Variants in C8A observed in about 807,000 individuals in gnomAD.
C8A encodes the protein complement C8 alpha chain, also known as complement component C8 alpha chain.
In C8A, 67 loss-of-function variants were observed where a neutral mutation model predicts 65.3. The ratio of observed to expected loss-of-function variants is 1.03; its 90% CI spans 0.84 to 1.26. C8A has a LOEUF of 1.26. C8A is among the 50% of genes most tolerant of loss of function. The pLI is 0.00. For missense variants in C8A, 781 were observed against 723.9 expected (o/e 1.08, Z -0.90); for synonymous variants, 290 against 259.4 (o/e 1.12, Z -1.13).
chr1:56,893,955 T>G (rs1420996281), intron 7 of C8A, among the ~76,000 whole-genome samples: 1 of 152,140 alleles, frequency 6.6e-6, no homozygotes, highest in Non-Finnish European at 1.5e-5. Context: ...CTTCATAGGG[T>G]TGTTGTAACC....
At chr1:56,899,543 C>T (rs1470313830) in intron 7 of C8A, among the ~76,000 whole-genome samples, 3 of 152,178 alleles carry the variant, frequency 2.0e-5, no homozygotes, top group Admixed American at 2.0e-4. Flanking sequence ...TATCTCCACC[C>T]AGTACATAAT....
intron 7 of C8A, among the ~76,000 whole-genome samples, chr1:56,897,489 A>G (rs1644395388): frequency 1.3e-5 from 2 of 152,348 alleles, no homozygotes; most frequent in African/African-American, 4.8e-5. Flanking sequence ...AAGTGCTATC[A>G]TCGATTAGTG....
At chr1:56,912,238 A>G (rs1314670379) in intron 9 of C8A, among the ~76,000 whole-genome samples, 165 bp from the exon 10 acceptor site, 2 of 152,166 alleles carry the variant, frequency 1.3e-5, no homozygotes, top group African/African-American at 4.8e-5. Flanking sequence ...TTTAATACCT[A>G]TGTCACAGAA....
chr1:56,885,362 ATATATATT>A (rs1201557653), intron 6 of C8A, among the ~76,000 whole-genome samples: 17,057 of 120,348 alleles, frequency 0.14, 2,080 homozygotes, highest in East Asian at 0.31. Context: ...ATTTATGTAA[ATATATATT>A]TATATTTATT....
intron 1 of C8A, among the ~76,000 whole-genome samples, chr1:56,857,906 A>G (rs1328283476): frequency 2.0e-5 from 3 of 152,068 alleles, no homozygotes; most frequent in Non-Finnish European, 2.9e-5. Flanking sequence ...AAAGTCCCAC[A>G]GGTCAGTGAT....
At chr1:56,911,515 T>C (rs1270633213) in intron 9 of C8A, among the ~76,000 whole-genome samples, 1 of 152,194 alleles carries the variant, frequency 6.6e-6, no homozygotes, top group African/African-American at 2.4e-5. Flanking sequence ...GTCGAGGCAA[T>C]TGTTTCCCCC....
chr1:56,910,180 T>A (rs1240007401), intron 9 of C8A, among the ~76,000 whole-genome samples: 1 of 152,186 alleles, frequency 6.6e-6, no homozygotes, highest in Non-Finnish European at 1.5e-5. Flanking sequence ...AGTTCAGCAG[T>A]GCTTATTTAT....
intron 7 of C8A, among the ~76,000 whole-genome samples, chr1:56,894,416 G>C (rs1490489968): frequency 6.6e-6 from 1 of 152,138 alleles, no homozygotes; most frequent in African/African-American, 2.4e-5. Context: ...ATCTTTCAAA[G>C]TGTTAACAAC....
At chr1:56,870,156 G>A (rs554803489) in intron 2 of C8A, among the ~76,000 whole-genome samples, 2 of 152,024 alleles carry the variant, frequency 1.3e-5, no homozygotes, top group African/African-American at 4.8e-5. Context: ...AAACTTGGTG[G>A]CTTAAAACAA....
rs779008211 is a variant in C8A, at chr1:56,856,930, T to A, written c.77+1952T>A. Among the ~76,000 whole-genome samples, 155 of 152,192 alleles carry A rather than the reference T, an allele frequency of 1.0e-3. 4 individuals are homozygous for A. Among genetic ancestry groups the A allele is most frequent in the Non-Finnish European group, 4.4e-4 (30 of 67,924 alleles). Reference sequence around the variant, plus strand: ...TTATAATCTTCAGCCTCAAAATCTGTGGGTCTCTATTACATATTTTATACA... The same window carrying A: ...TTATAATCTTCAGCCTCAAAATCTGAGGGTCTCTATTACATATTTTATACA... On this transcript the variant is annotated intron_variant, in intron 1 of 10. Transcript: ENST00000361249.
intron 7 of C8A, among the ~76,000 whole-genome samples, chr1:56,896,283 A>G (rs938324312): frequency 6.6e-6 from 1 of 152,172 alleles, no homozygotes; most frequent in Non-Finnish European, 1.5e-5. Flanking sequence ...GGAGTCTGAC[A>G]AGTCCCAAGA....
At chr1:56,908,626 G>A (rs992553314) in intron 9 of C8A, among the ~76,000 whole-genome samples, 2 of 152,056 alleles carry the variant, frequency 1.3e-5, no homozygotes, top group Admixed American at 6.5e-5. Context: ...ATAAGCTGTG[G>A]GTTGGACTTG....
chr1:56,864,912 C>T (rs576034719), intron 1 of C8A, among the ~76,000 whole-genome samples: 9 of 152,234 alleles, frequency 5.9e-5, no homozygotes, highest in South Asian at 2.1e-4. Flanking sequence ...TGTTTACAGT[C>T]GCACTGATGG....
At chr1:56,881,100 T>C (rs1484216461) in intron 4 of C8A, among the ~76,000 whole-genome samples, 1 of 152,220 alleles carries the variant, frequency 6.6e-6, no homozygotes, top group Non-Finnish European at 1.5e-5. Context: ...CCAGCCCATT[T>C]AGTCTCCAAG....
At chr1:56,862,947 T>G (rs1644048393) in intron 1 of C8A, among the ~76,000 whole-genome samples, 2 of 152,306 alleles carry the variant, frequency 1.3e-5, no homozygotes, top group South Asian at 4.1e-4. Context: ...CTGGAGGATA[T>G]ATCTTCAATA....
intron 2 of C8A, among the ~76,000 whole-genome samples, chr1:56,874,557 GT>G (rs1053721555): frequency 1.3e-5 from 2 of 152,170 alleles, no homozygotes; most frequent in African/African-American, 4.8e-5. Flanking sequence ...GGAGAACTAC[GT>G]GGATGCTCAA....
chr1:56,903,200 A>C (rs1191260627), intron 7 of C8A, among the ~76,000 whole-genome samples: 1 of 152,144 alleles, frequency 6.6e-6, no homozygotes, highest in Non-Finnish European at 1.5e-5. Context: ...TGCAGTTCCC[A>C]AAATCCCCAC....
intron 3 of C8A, 99 bp from the exon 4 acceptor site, chr1:56,875,963 G>T: frequency 6.9e-7 from 1 of 1,454,904 alleles, no homozygotes; most frequent in Non-Finnish European, 9.4e-7. Context: ...TGGGACAGAT[G>T]GGAGGTTTAT....
chr1:56,899,148 C>T (rs1028517137), intron 7 of C8A, among the ~76,000 whole-genome samples: 4 of 152,090 alleles, frequency 2.6e-5, no homozygotes, highest in African/African-American at 9.7e-5. Context: ...TGTCCTTACT[C>T]CCCTTAAGTC....
Sources: gnomAD v4.1 joint callset for allele counts (sites outside exome capture counted in the v4.1 genomes callset) on GRCh38, gnomAD v4.1.1 for gene constraint, MANE v1.5 for transcripts, NCBI Gene and HGNC (gene_info 2026-07-23, HGNC 2026-07-21) for gene names.